CDAN1: variants seen among roughly 807,000 people sequenced by gnomAD.
CDAN1 encodes the protein codanin 1.
In CDAN1, 107 loss-of-function variants were observed where a neutral mutation model predicts 139.8. That is an observed-to-expected ratio of 0.77 (90% CI 0.65 to 0.90). CDAN1 has a LOEUF of 0.90. CDAN1 is among the 40% of genes least tolerant of loss of function. The pLI is 0.00. For synonymous variants in CDAN1, 776 were observed against 660.6 expected, an observed-to-expected ratio of 1.17 and a Z score of -2.68; for missense variants, 1,667 against 1,575.7, an observed-to-expected ratio of 1.06 and a Z score of -0.98.
Position 42,736,398 on chromosome 15 carries a change from C to CGGCTAGGGG in CDAN1, c.472_473insCCCCTAGCC (p.Ser158delinsThrProSerArg), listed in dbSNP as rs750293602. ...CAGCGTGAGGCTGGGGCGGCTGGGG[C>CGGCTAGGGG]TGCCAGAGCCCCTAAGCCTCCGGCC... On this transcript the variant is annotated protein_altering_variant, in exon 2 of 28. Coordinates refer to ENST00000356231, the MANE Select transcript of CDAN1 (RefSeq NM_138477.4). 6.2e-7 allele frequency: 1 copy of CGGCTAGGGG among 1,612,072 alleles called. No homozygotes were observed. The highest frequency in any genetic ancestry group is 1.1e-5 in the South Asian group (1 of 91,034).
At chr15:42,726,184 G>C in intron 24 of CDAN1, 24 bp from the exon 25 acceptor site, 1 of 1,613,568 alleles carries the variant, frequency 6.2e-7, no homozygotes. Context: ...GGGGGGGAAA[G>C]AGAGACCATA....
chr15:42,729,765 C>T (rs1362198040), intron 16 of CDAN1, 31 bp downstream of exon 16: 15 of 1,605,338 alleles, frequency 9.3e-6, no homozygotes, highest in Non-Finnish European at 1.3e-5. Context: ...TCCTGAGTTT[C>T]CCATGGCTCT....
At chr15:42,736,168 AC>A (rs774803739) in intron 2 of CDAN1, 90 bp from the exon 3 acceptor site, 6 of 1,570,484 alleles carry the variant, frequency 3.8e-6, no homozygotes, top group Admixed American at 1.9e-5. Context: ...TTGCCAAAAA[AC>A]CCCACAAAAA....
rs750563812 is a variant in CDAN1, at chr15:42,728,643, G to C, written c.2804+9C>G. ...AGGAGAGTGGATCAAATGGACCAGC[G>C]CTGCTTACTCCCGCCCCAGGGCCAA... On this transcript the variant is annotated intron_variant, in intron 20 of 27. Transcript: ENST00000356231. The C allele has an allele frequency of 6.2e-7, 1 of 1,613,602 alleles. No homozygotes were observed. The highest frequency in any genetic ancestry group is 1.1e-5 in the South Asian group (1 of 91,058).
chr15:42,726,456 GC>G, intron 23 of CDAN1, 39 bp from the exon 24 acceptor site: 1 of 1,474,994 alleles, frequency 6.8e-7, no homozygotes, highest in South Asian at 1.2e-5. Context: ...TGCGCTGGGG[GC>G]CAGGATGCCA....
rs12905385 is a variant in CDAN1, at chr15:42,729,365, G to A, written c.2408-3C>T. On this transcript the variant is annotated splice_polypyrimidine_tract_variant and splice_region_variant and intron_variant, in intron 17 of 27. Transcript: ENST00000356231. ...AGCGAGCAGTTTCCGGAGCTCTCCTGTATCAGTGAAGTCCAAGTTCTCAGT... is the reference window on the plus strand; with the variant it reads ...AGCGAGCAGTTTCCGGAGCTCTCCTATATCAGTGAAGTCCAAGTTCTCAGT... 328,572 of 1,613,582 alleles carry A rather than the reference G, an allele frequency of 0.2. 37,050 individuals carry two copies. Among genetic ancestry groups the A allele is most frequent in the African/African-American group, 0.38 (28,256 of 74,922 alleles).
intron 23 of CDAN1, chr15:42,726,980 G>GTAAA (rs2061537593): frequency 1.3e-5 from 2 of 156,398 alleles, no homozygotes; most frequent in Admixed American, 1.2e-4. Flanking sequence ...GAACCAGACA[G>GTAAA]TAAATATTTT....
intron 8 of CDAN1, 90 bp from the exon 9 acceptor site, chr15:42,733,276 A>AT: frequency 9.7e-6 from 9 of 930,960 alleles, no homozygotes; most frequent in Non-Finnish European, 1.4e-5. Context: ...CCCACCCACC[A>AT]CCTTTTTTTT....
chr15:42,731,173 G>A (rs777655958), intron 12 of CDAN1, 38 bp downstream of exon 12: 26 of 1,614,004 alleles, frequency 1.6e-5, no homozygotes, highest in Non-Finnish European at 2.0e-5. Context: ...TTCCCTCCTG[G>A]GTCAGACCCC....
At chr15:42,734,417 C>T (rs2061659139) in intron 6 of CDAN1, 71 bp from the exon 7 acceptor site, 1 of 1,592,152 alleles carries the variant, frequency 6.3e-7, no homozygotes. Context: ...CACCTGCACA[C>T]CACAGAGGAT....
rs1287733835 is a variant in CDAN1, at chr15:42,730,143, C to G, written c.2247G>C (p.Leu749=). The part of the protein sequence containing the change: ...FLNKLLLLAV[L]GWLFQIPTVP... ...CTCTGCCCACCTGGAAAAGCCAGCC[C>G]AGGACAGCAAGTAGCAGCAGCTTGT... Residue 749 remains leucine, a synonymous_variant, in exon 15 of 28, where the codon CTG becomes CTC. Transcript: ENST00000356231. The G allele has an allele frequency of 6.2e-7, 1 of 1,614,200 alleles. No homozygotes were observed. Among genetic ancestry groups the G allele is most frequent in the Admixed American group, 1.7e-5 (1 of 60,028 alleles).
Position 42,735,574 on chromosome 15 carries a change from A to G in CDAN1, c.879T>C (p.Pro293=). 3 of 1,614,238 alleles carry G rather than the reference A, an allele frequency of 1.9e-6. No individual in the cohort carries two copies. Among genetic ancestry groups the G allele is most frequent in the Middle Eastern group, 1.6e-4 (1 of 6,062 alleles). Residue 293 remains proline (P), a synonymous_variant, in exon 4 of 28, where the codon CCT becomes CCC. Coordinates refer to ENST00000356231, the MANE Select transcript of CDAN1 (RefSeq NM_138477.4). ...GGCGCTGGCGGGAAGACACTCTGGC[A>G]GGGTCTGCAGGTTCATCTGTGAGGC... ...TGSLTDEPAD[P]ARVSSRQRLE...
chr15:42,736,896 TG>T (rs2061697754), intron 1 of CDAN1, 116 bp from the exon 2 acceptor site: 1 of 1,461,128 alleles, frequency 6.8e-7, no homozygotes, highest in African/African-American at 1.5e-5. Context: ...GGCGCCCAGT[TG>T]GAGTGCACTC....
Position 42,730,689 on chromosome 15 carries a change from A to G in CDAN1, c.2083T>C (p.Trp695Arg), listed in dbSNP as rs2061599188. ...QARRAVLTVP[W>R]LVEFLSFADH... Reference sequence around the variant, plus strand: ...GCAAAGGAGAGAAACTCCACCAGCCAGGGCACGGTGAGCACCGCCCGGCGG... The same window carrying G: ...GCAAAGGAGAGAAACTCCACCAGCCGGGGCACGGTGAGCACCGCCCGGCGG... Residue 695 changes from tryptophan (W) to arginine (R), a missense_variant, in exon 14 of 28, where the codon TGG becomes CGG. Around this residue, in one of 3 missense-constraint regions of CDAN1, gnomAD observed 936 missense variants for 844.1 expected, o/e 1.11. Coordinates refer to ENST00000356231, the MANE Select transcript of CDAN1 (RefSeq NM_138477.4). 1 of 1,613,932 alleles carries G rather than the reference A, an allele frequency of 6.2e-7. No homozygotes were observed. Among genetic ancestry groups the G allele is most frequent in the Non-Finnish European group, 8.5e-7 (1 of 1,179,980 alleles).
At chr15:42,735,008 C>T in intron 6 of CDAN1, 92 bp downstream of exon 6, 1 of 849,426 alleles carries the variant, frequency 1.2e-6, no homozygotes. Flanking sequence ...GACCACTGCC[C>T]CTGTGTTAAG....
rs758732191 is a variant in CDAN1, at chr15:42,727,672, G to A, written c.3045C>T (p.Arg1015=). The change falls in exon 23 of 28, where the codon CGC becomes CGT. Residue 1015 remains arginine, a synonymous_variant. Coordinates refer to ENST00000356231, the MANE Select transcript of CDAN1 (RefSeq NM_138477.4). ...AARGERRGCS[R]ACEHHAPLPS... ...GGAGGGGAGCATGGTGCTCACAGGC[G>A]CGGGAGCAGCCCCTCCGCTCCCCCC... 8.2e-5 allele frequency: 130 copies of A among 1,589,330 alleles called. No individual in the cohort carries two copies. Among genetic ancestry groups the A allele is most frequent in the South Asian group, 3.6e-4 (32 of 88,972 alleles).
intron 22 of CDAN1, 86 bp from the exon 23 acceptor site, chr15:42,727,855 C>T: frequency 6.2e-7 from 1 of 1,605,986 alleles, no homozygotes. Context: ...TTGCTGTTTC[C>T]TACTGGCTCT....
At position 42,725,626 on chromosome 15, in the gene CDAN1, G is replaced by C. The variant is rs763117651; in HGVS notation, c.3313C>G (p.Leu1105Val). Residue 1105 changes from leucine (L) to valine (V), a missense_variant, in exon 26 of 28, where the codon CTG becomes GTG. This residue lies in a region of CDAN1 where 936 missense variants were observed against 844.1 expected (regional missense o/e 1.11). Transcript: ENST00000356231. Reference sequence around the variant, plus strand: ...AGCCTTCGAGCCTGCCCTCTCTCCAGCCTGTACTGTGCCGGGGGCCCTAGG... The same window carrying C: ...AGCCTTCGAGCCTGCCCTCTCTCCACCCTGTACTGTGCCGGGGGCCCTAGG... The part of the protein sequence containing the change: ...PILGPPAQYR[L>V]ERGQARRLLH... 1 of 1,614,024 alleles carries C rather than the reference G, an allele frequency of 6.2e-7. No homozygotes were observed. The highest frequency in any genetic ancestry group is 2.2e-5 in the East Asian group (1 of 44,884).
At chr15:42,732,995 G>A in intron 9 of CDAN1, 102 bp downstream of exon 9, 1 of 896,672 alleles carries the variant, frequency 1.1e-6, no homozygotes, top group Non-Finnish European at 1.8e-6. Flanking sequence ...GCTAATGGCT[G>A]GTAGGAGCGG....
Sources: gnomAD v4.1 joint callset for allele counts on GRCh38, gnomAD v4.1.1 for gene constraint, gnomAD v4.1.1 regional missense constraint, MANE v1.5 for transcripts, NCBI Gene and HGNC (gene_info 2026-07-23, HGNC 2026-07-21) for gene names.